RHBDD1: variants seen among roughly 807,000 people sequenced by gnomAD.
The protein encoded by RHBDD1 is rhomboid-related protein 4.
A neutral mutation model predicts 36.3 loss-of-function variants in RHBDD1; 38 were observed. The ratio of observed to expected loss-of-function variants is 1.05; its 90% CI spans 0.81 to 1.37. The LOEUF is 1.37. RHBDD1 is among the 40% of genes most tolerant of loss of function. The probability of loss-of-function intolerance (pLI) is 0.00; values close to 1 mark genes in which losing one functional copy is unlikely to be tolerated. For synonymous variants in RHBDD1, 151 were observed against 136.5 expected (o/e 1.11, Z -0.74); for missense variants, 393 against 377.6 (o/e 1.04, Z -0.34).
intron 4 of RHBDD1, 140 bp from the exon 5 acceptor site, chr2:226,867,046 G>A: frequency 1.2e-5 from 9 of 766,088 alleles, no homozygotes; most frequent in Non-Finnish European, 1.4e-5. Context: ...ATGCAAGGTT[G>A]TAAGGAATAG....
chr2:226,972,966 C>G (rs1953868385), intron 8 of RHBDD1, among the ~76,000 whole-genome samples: 1 of 151,884 alleles, frequency 6.6e-6, no homozygotes, highest in Admixed American at 6.6e-5. Flanking sequence ...TGCAGGTTCC[C>G]CCACTGCTAT....
At chr2:226,802,989 A>T in the RHBDD1 span, among the ~76,000 whole-genome samples, 11 of 152,356 alleles carry the variant, frequency 7.2e-5, no homozygotes, top group East Asian at 2.1e-3. Flanking sequence ...GTGGATGTAA[A>T]ACTAAACATT....
chr2:226,992,271 T>C (rs1217265990), intron 8 of RHBDD1, among the ~76,000 whole-genome samples: 3 of 152,150 alleles, frequency 2.0e-5, no homozygotes, highest in Non-Finnish European at 4.4e-5. Context: ...CAGTAGTCGG[T>C]GTAGGTTAGG....
At chr2:226,806,021 T>C in the RHBDD1 span, among the ~76,000 whole-genome samples, 1 of 152,202 alleles carries the variant, frequency 6.6e-6, no homozygotes. Flanking sequence ...TGGGTCACCA[T>C]GGCCCCCTCA....
At chr2:226,854,721 C>T (rs992220584) in intron 3 of RHBDD1, among the ~76,000 whole-genome samples, 3 of 151,810 alleles carry the variant, frequency 2.0e-5, no homozygotes, top group Non-Finnish European at 4.4e-5. Context: ...CACTATTCAT[C>T]GTTTTTTTAA....
chr2:226,933,686 C>G (rs1052854842), intron 8 of RHBDD1, among the ~76,000 whole-genome samples: 2 of 152,030 alleles, frequency 1.3e-5, no homozygotes, highest in Non-Finnish European at 2.9e-5. Context: ...TGAGCCTACT[C>G]TGGCTTGGGA....
At chr2:226,801,385 AAAG>A in the RHBDD1 span, among the ~76,000 whole-genome samples, 5 of 152,146 alleles carry the variant, frequency 3.3e-5, no homozygotes, top group Admixed American at 1.3e-4. Flanking sequence ...AAAAAAAGAA[AAAG>A]AAGATGATGA....
the RHBDD1 span, among the ~76,000 whole-genome samples, chr2:226,806,178 A>G: frequency 6.6e-6 from 1 of 151,984 alleles, no homozygotes; most frequent in Non-Finnish European, 1.5e-5. Context: ...TAAGGACATT[A>G]GTTTTCTGTG....
Position 226,838,031 on chromosome 2 carries a change from T to C in RHBDD1, c.-391-42T>C, listed in dbSNP as rs1285696993. ...ACAGGAGTGCCCTCAACCTGCTGTG[T>C]TTTTTAGATGCAGTATTTTCTTACA... On this transcript the variant is annotated intron_variant, in intron 1 of 8. Transcript: ENST00000392062. 3 of 152,192 alleles carry C rather than the reference T, an allele frequency of 2.0e-5. No individual in the cohort carries two copies. The East Asian group carries it at 5.8e-4, about 29-fold the overall frequency. 9.4% of individuals were successfully genotyped at this position (152,192 alleles called of 1,614,324 possible).
At chr2:226,832,664 A>G (rs889668954), upstream of RHBDD1, among the ~76,000 whole-genome samples, 6 of 152,224 alleles carry the variant, frequency 3.9e-5, no homozygotes, top group Non-Finnish European at 8.8e-5. Flanking sequence ...TACATTTATA[A>G]CTGTTATATC....
intron 3 of RHBDD1, among the ~76,000 whole-genome samples, chr2:226,849,617 ATGT>A (rs1942589106): frequency 6.6e-6 from 1 of 152,224 alleles, no homozygotes; most frequent in African/African-American, 2.4e-5. Flanking sequence ...CTGGCCCCGG[ATGT>A]CCTCTTTGCC....
At chr2:226,954,832 A>G (rs949933999) in intron 8 of RHBDD1, among the ~76,000 whole-genome samples, 3 of 152,100 alleles carry the variant, frequency 2.0e-5, no homozygotes, top group Admixed American at 1.3e-4. Context: ...GTTGAGGCCT[A>G]AAAGAAGAGA....
At chr2:226,988,369 G>A (rs1354134201) in intron 8 of RHBDD1, 4 of 1,550,282 alleles carry the variant, frequency 2.6e-6, no homozygotes, top group Non-Finnish European at 3.5e-6. Context: ...CAAGTCTCCT[G>A]GACCCCAAGA....
chr2:226,957,403 G>T (rs1951854707), intron 8 of RHBDD1, among the ~76,000 whole-genome samples: 1 of 152,118 alleles, frequency 6.6e-6, no homozygotes, highest in African/African-American at 2.4e-5. Context: ...AAAAATGTTT[G>T]TGCTACAAAG....
At chr2:226,897,260 C>A (rs1947171544) in intron 5 of RHBDD1, among the ~76,000 whole-genome samples, 1 of 152,122 alleles carries the variant, frequency 6.6e-6, no homozygotes, top group Non-Finnish European at 1.5e-5. Flanking sequence ...CCAGACAGTT[C>A]TGGGTAAAGT....
chr2:226,926,438 CT>C (rs1469441522), intron 8 of RHBDD1, among the ~76,000 whole-genome samples: 4 of 152,034 alleles, frequency 2.6e-5, no homozygotes, highest in Non-Finnish European at 4.4e-5. Context: ...ATACCGTGCC[CT>C]TTTTATGATT....
intron 3 of RHBDD1, among the ~76,000 whole-genome samples, chr2:226,859,525 G>T (rs1943650821): frequency 6.6e-6 from 1 of 152,190 alleles, no homozygotes; most frequent in Non-Finnish European, 1.5e-5. Flanking sequence ...GATACCCAGG[G>T]ATGAGTGCAT....
At chr2:226,829,087 T>C in the RHBDD1 span, among the ~76,000 whole-genome samples, 1 of 152,110 alleles carries the variant, frequency 6.6e-6, no homozygotes, top group Non-Finnish European at 1.5e-5. Context: ...TGGGCCCAAG[T>C]TCATAGTTTT....
chr2:226,872,777 C>T (rs1002998580), intron 5 of RHBDD1, among the ~76,000 whole-genome samples: 7 of 152,110 alleles, frequency 4.6e-5, no homozygotes, highest in African/African-American at 1.7e-4. Flanking sequence ...GCCAGAAAGC[C>T]AAAGTCCTAC....
Sources: gnomAD v4.1 joint callset for allele counts (sites outside exome capture counted in the v4.1 genomes callset) on GRCh38, gnomAD v4.1.1 for gene constraint, MANE v1.5 for transcripts, NCBI Gene and HGNC (gene_info 2026-07-23, HGNC 2026-07-21) for gene names.